Variants in CFAP99 observed in about 807,000 individuals in gnomAD.
CFAP99 encodes cilia and flagella associated protein 99.
CFAP99 carries 84 observed loss-of-function variants against 82.7 expected under a neutral mutation model. That is an observed-to-expected ratio of 1.02 (90% CI 0.85 to 1.22). The LOEUF (loss-of-function observed/expected upper bound fraction) is 1.22. Among genes scored for constraint, CFAP99 ranks in the 50% most tolerant of loss-of-function variants. CFAP99 has a pLI of 0.00. For missense variants in CFAP99, 1,059 were observed against 983.5 expected (o/e 1.08, Z -1.03); for synonymous variants, 456 against 429.5 (o/e 1.06, Z -0.76).
chr4:2,441,744 C>G lies in CFAP99; in HGVS notation c.352-1386C>G, dbSNP rs896665475. Among the ~76,000 whole-genome samples the G allele has an allele frequency of 3.9e-5, 6 of 152,206 alleles. No individual in the cohort carries two copies. The South Asian group carries it at 8.3e-4, about 21-fold the overall frequency. On this transcript the variant is annotated intron_variant, in intron 4 of 14. Coordinates refer to ENST00000635017, the Ensembl canonical transcript of CFAP99. ...GCCTATCCCATTGGGGTCCTTCTTC[C>G]TGCCTCGGGGCTCCAGGAAGAGGCC...
At chr4:2,424,532 G>T (rs906435738) in intron 1 of CFAP99, among the ~76,000 whole-genome samples, 3 of 152,176 alleles carry the variant, frequency 2.0e-5, no homozygotes, top group Admixed American at 1.3e-4. Context: ...ACAGGCCCTG[G>T]GCTGATGCCA....
intron 4 of CFAP99, among the ~76,000 whole-genome samples, chr4:2,439,798 C>G (rs1733993554): frequency 6.6e-6 from 1 of 152,154 alleles, no homozygotes; most frequent in Non-Finnish European, 1.5e-5. Context: ...GAAACCAAAC[C>G]CTGGAAACAA....
At position 2,448,185 on chromosome 4, in the gene CFAP99, C is replaced by G. The variant is rs749243506; in HGVS notation, c.643-1485C>G. 2.0e-5 allele frequency among the ~76,000 whole-genome samples: 3 copies of G among 152,092 alleles called. No individual in the cohort carries two copies. Among genetic ancestry groups the G allele is most frequent in the Non-Finnish European group, 2.9e-5 (2 of 68,010 alleles). ...TGTTGCTGAGCAACCCCACAGTTGC[C>G]CCATCTGTATAATCTTCAGCATTTC... is the stretch of plus-strand genomic sequence containing the variant. On this transcript the variant is annotated intron_variant, in intron 6 of 14. Transcript: ENST00000635017. The surrounding 1 kb of genome is among the most constrained non-coding windows in gnomAD (Gnocchi z 5.2).
Position 2,462,751 on chromosome 4 carries a change from C to T in CFAP99, c.1970C>T (p.Ala657Val), listed in dbSNP as rs111658528. ...TCCGCGGCCGGGAGATACGCAGCGG[C>T]GGGCGCGGGAGGCGGTGGGGGCGTC... The change falls in exon 15 of 15, where the codon GCG (alanine) becomes GTG (valine). Residue 657 changes from alanine (A) to valine (V), a missense_variant. Physicochemically the swap from Ala to Val is moderately conservative, Grantham distance 64. Transcript: ENST00000635017. This position sits in a 1 kb window ranked among gnomAD's most constrained non-coding sequence, Gnocchi z 4.1. The T allele has an allele frequency of 1.1e-5, 14 of 1,244,992 alleles. No homozygotes were observed. In the Middle Eastern group the frequency reaches 9.4e-4, roughly 84 times the overall value. 77.1% of individuals were successfully genotyped at this position (1,244,992 alleles called of 1,614,324 possible). A position where few individuals can be genotyped will look rare whatever the true frequency, so the allele number is the denominator to read the frequency against.
intron 1 of CFAP99, among the ~76,000 whole-genome samples, chr4:2,425,781 C>A (rs11248105): frequency 0.16 from 23,791 of 152,082 alleles, 2,010 homozygotes; most frequent in African/African-American, 0.21. Flanking sequence ...CCAGCCTCCC[C>A]CTAGGCAGCT....
At position 2,458,753 on chromosome 4, in the gene CFAP99, AGACGGCTCCG is replaced by A; in HGVS notation, c.1194_1203del (p.Leu400ThrfsTer11). On this transcript the variant is annotated frameshift_variant, in exon 12 of 15. Coordinates refer to ENST00000635017, the Ensembl canonical transcript of CFAP99. LOFTEE classifies it high-confidence loss of function. The stretch of plus-strand genomic sequence containing the variant: ...CAAGCTGATGCTGCAGCGTGCAGAG[AGACGGCTCCG>A]GGAGGACAGGTCCAGGAAGGAGCTG... The A allele has an allele frequency of 6.5e-7, 1 of 1,535,506 alleles. No homozygotes were observed. Among genetic ancestry groups the A allele is most frequent in the African/African-American group, 1.4e-5 (1 of 73,146 alleles).
chr4:2,454,972 C>T (rs1560388955), intron 11 of CFAP99, among the ~76,000 whole-genome samples: 1 of 151,562 alleles, frequency 6.6e-6, no homozygotes, highest in Non-Finnish European at 1.5e-5. Flanking sequence ...CAGGCTGGAG[C>T]GCAGTGGCAT....
chr4:2,448,823 C>T lies in CFAP99; in HGVS notation c.643-847C>T, dbSNP rs1734227562. On this transcript the variant is annotated intron_variant, in intron 6 of 14. Transcript: ENST00000635017. This position sits in a 1 kb window ranked among gnomAD's most constrained non-coding sequence, Gnocchi z 5.2. Reference sequence around the variant, plus strand: ...CAGGACACATTGAGGCAGGCTGGCGCCAACACAGGGTCCCTCCAGCTGCCG... The same window carrying T: ...CAGGACACATTGAGGCAGGCTGGCGTCAACACAGGGTCCCTCCAGCTGCCG... Among the ~76,000 whole-genome samples the T allele has an allele frequency of 6.6e-6, 1 of 152,222 alleles. No homozygotes were observed. Among genetic ancestry groups the T allele is most frequent in the African/African-American group, 2.4e-5 (1 of 41,448 alleles).
intron 12 of CFAP99, 86 bp from the exon 13 acceptor site, chr4:2,459,021 C>A (rs1200044496): frequency 1.2e-5 from 17 of 1,447,998 alleles, no homozygotes; most frequent in Non-Finnish European, 1.5e-5. Flanking sequence ...AGAGTCCTGG[C>A]TGGGGAACCC....
At chr4:2,451,409 G>T (rs1035673090) in intron 10 of CFAP99, 57 bp downstream of exon 10, 22 of 1,506,570 alleles carry the variant, frequency 1.5e-5, no homozygotes, top group Non-Finnish European at 1.8e-5. Context: ...TGAGAGGAAA[G>T]GCTCAGAGGA....
intron 6 of CFAP99, among the ~76,000 whole-genome samples, chr4:2,445,695 A>G (rs1734148069): frequency 6.6e-6 from 1 of 152,198 alleles, no homozygotes; most frequent in Non-Finnish European, 1.5e-5. Context: ...GCAGGCCTAG[A>G]GACTCTTCCT....
intron 4 of CFAP99, among the ~76,000 whole-genome samples, chr4:2,441,671 C>T (rs923110234): frequency 1.3e-5 from 2 of 152,228 alleles, no homozygotes; most frequent in Non-Finnish European, 2.9e-5. Flanking sequence ...GGGAACTGCC[C>T]AGGAGACTGC....
At chr4:2,451,328 G>T (rs1336766915) in exon 10 of CFAP99, 1 of 1,535,848 alleles carries the variant, frequency 6.5e-7, no homozygotes, top group South Asian at 1.2e-5. Context: ...TTGTACCAGC[G>T]GCAGGTGGAG....
chr4:2,437,300 G>A (rs1578469899), intron 3 of CFAP99, among the ~76,000 whole-genome samples: 2 of 152,186 alleles, frequency 1.3e-5, no homozygotes, highest in South Asian at 4.1e-4. Context: ...AGAGCCTTCC[G>A]TAGGCTGACC....
At chr4:2,437,460 C>A (rs1407950087) in intron 3 of CFAP99, among the ~76,000 whole-genome samples, 2 of 152,186 alleles carry the variant, frequency 1.3e-5, no homozygotes, top group Non-Finnish European at 2.9e-5. Flanking sequence ...GCAGGGCGAC[C>A]ATTGCAAGCC....
intron 11 of CFAP99, among the ~76,000 whole-genome samples, chr4:2,453,741 CTT>C (rs34564273): frequency 0.19 from 25,714 of 132,316 alleles, 2,359 homozygotes; most frequent in East Asian, 0.28. Context: ...ATTTCCCTGA[CTT>C]TTTTTTTTTT....
In CFAP99 at chr4:2,460,160, C is replaced by A. The variant is rs1016330131; in HGVS notation, c.1579C>A (p.His527Asn). Residue 527 changes from histidine (H) to asparagine (N), a missense_variant, in exon 14 of 15, where the codon CAC becomes AAC. Physicochemically the swap from His to Asn is moderately conservative, Grantham distance 68. Coordinates refer to ENST00000635017, the Ensembl canonical transcript of CFAP99. ...GCGGGATCAAATCATTCAGGGCAAG[C>A]ACACCAAGAGCCAGGAACTGCAGAA... is the stretch of plus-strand genomic sequence containing the variant. 10 of 1,535,912 alleles carry A rather than the reference C, an allele frequency of 6.5e-6. No homozygotes were observed. In the South Asian group the frequency reaches 1.2e-4, roughly 18 times the overall value.
chr4:2,454,401 T>G (rs1182518865), intron 11 of CFAP99, among the ~76,000 whole-genome samples: 1 of 152,014 alleles, frequency 6.6e-6, no homozygotes, highest in East Asian at 1.9e-4. Context: ...CCTCCCAAAG[T>G]GCTGGGATTA....
At chr4:2,442,149 G>A (rs991058238) in intron 4 of CFAP99, among the ~76,000 whole-genome samples, 20 of 152,186 alleles carry the variant, frequency 1.3e-4, no homozygotes, top group African/African-American at 4.8e-4. Flanking sequence ...GTGTGGGGAT[G>A]GGGTTTGGAG....
Sources: gnomAD v4.1 joint callset for allele counts (sites outside exome capture counted in the v4.1 genomes callset) on GRCh38, gnomAD v4.1.1 for gene constraint, Gnocchi (gnomAD v3.1) non-coding constraint, MANE v1.5 for transcripts, NCBI Gene and HGNC (gene_info 2026-07-23, HGNC 2026-07-21) for gene names.